The following SLC41A3 variants were observed in gnomAD, a reference collection of about 807,000 sequenced individuals.
The protein encoded by SLC41A3 is solute carrier family 41 member 3, also known as SLC41A1-like 2.
A neutral mutation model predicts 45.4 loss-of-function variants in SLC41A3; 44 were observed. The observed-to-expected ratio is 0.97, with a 90% CI of 0.76 to 1.25. SLC41A3 has a LOEUF of 1.25. Ranked by LOEUF, SLC41A3 falls within the 50% of genes most tolerant of loss-of-function variation. The probability of loss-of-function intolerance (pLI) is 0.00; values close to 1 mark genes in which losing one functional copy is unlikely to be tolerated. For synonymous variants in SLC41A3, 256 were observed against 252.4 expected, an observed-to-expected ratio of 1.01 and a Z score of -0.13; for missense variants, 550 against 600.6, an observed-to-expected ratio of 0.92 and a Z score of 0.88.
intron 3 of SLC41A3, among the ~76,000 whole-genome samples, chr3:126,049,762 AT>A (rs1943202339): frequency 6.6e-6 from 1 of 152,132 alleles, no homozygotes; most frequent in Admixed American, 6.5e-5. Context: ...AACAAAAGAA[AT>A]CTATCCTCTT....
In SLC41A3 at chr3:126,048,389, G is replaced by C. The variant is rs1458874809; in HGVS notation, c.381+2554C>G. On this transcript the variant is annotated intron_variant, in intron 3 of 10. Coordinates refer to ENST00000360370, the MANE Select transcript of SLC41A3 (RefSeq NM_017836.4). ...TATACCTTATAAACGACTATTTCCA[G>C]TGTGTACGGGAGTATATAGAGACAT... 3.3e-5 allele frequency among the ~76,000 whole-genome samples: 5 copies of C among 152,178 alleles called. No homozygotes were observed. The East Asian group carries it at 9.6e-4, about 29-fold the overall frequency.
intron 2 of SLC41A3, among the ~76,000 whole-genome samples, chr3:126,051,839 G>A (rs1420219574): frequency 6.6e-6 from 1 of 152,058 alleles, no homozygotes; most frequent in East Asian, 1.9e-4. Context: ...TCTAGACCTG[G>A]AAACAAATCC....
chr3:126,092,831 G>A (rs984168333), intron 1 of SLC41A3: 1 of 152,244 alleles, frequency 6.6e-6, no homozygotes, highest in East Asian at 1.9e-4. Context: ...AAGAAGGAGA[G>A]TGTAACGAAG....
chr3:126,051,941 C>T (rs1216638077), intron 2 of SLC41A3, among the ~76,000 whole-genome samples: 4 of 152,136 alleles, frequency 2.6e-5, no homozygotes, highest in South Asian at 4.1e-4. Flanking sequence ...GCAAATCCAC[C>T]CAGCCCCTAG....
upstream of SLC41A3, among the ~76,000 whole-genome samples, chr3:126,085,978 C>G (rs1267704468): frequency 2.0e-5 from 3 of 152,100 alleles, 1 homozygote; most frequent in Non-Finnish European, 4.4e-5. Context: ...GAGAGAGAAA[C>G]TGAGACATGT....
chr3:126,053,523 T>C (rs1943473922), intron 2 of SLC41A3, among the ~76,000 whole-genome samples: 1 of 152,236 alleles, frequency 6.6e-6, no homozygotes, highest in Non-Finnish European at 1.5e-5. Flanking sequence ...TCTGGCACTG[T>C]CCTATCTCTA....
chr3:126,076,912 T>C (rs773046942), intron 1 of SLC41A3, among the ~76,000 whole-genome samples: 1 of 152,230 alleles, frequency 6.6e-6, no homozygotes, highest in Non-Finnish European at 1.5e-5. Context: ...GCCGAATCTA[T>C]TTTATTGCTG....
intron 3 of SLC41A3, among the ~76,000 whole-genome samples, chr3:126,047,117 C>T (rs1943018466): frequency 6.6e-6 from 1 of 152,140 alleles, no homozygotes; most frequent in East Asian, 1.9e-4. Context: ...AATCCCAGCA[C>T]TTTGGGAGGC....
chr3:126,096,418 G>A (rs113264836), intron 1 of SLC41A3, among the ~76,000 whole-genome samples: 157 of 152,140 alleles, frequency 1.0e-3, no homozygotes, highest in African/African-American at 3.6e-3. Context: ...CCATAAACTG[G>A]CCCCAAAACT....
chr3:126,066,141 A>C (rs901764505), intron 2 of SLC41A3, among the ~76,000 whole-genome samples: 1 of 152,222 alleles, frequency 6.6e-6, no homozygotes, highest in African/African-American at 2.4e-5. Context: ...TTGCCAGCAG[A>C]CTATTTTTCC....
intron 4 of SLC41A3, among the ~76,000 whole-genome samples, chr3:126,027,212 G>T (rs1941430846): frequency 6.6e-6 from 1 of 152,076 alleles, no homozygotes; most frequent in African/African-American, 2.4e-5. Context: ...GAGGTGATTG[G>T]ATCACAGGGG....
intron 6 of SLC41A3, among the ~76,000 whole-genome samples, chr3:126,021,807 A>G (rs1170254294): frequency 6.6e-6 from 1 of 152,248 alleles, no homozygotes; most frequent in Non-Finnish European, 1.5e-5. Flanking sequence ...CCCTGAATAT[A>G]CACTTCAATT....
At chr3:126,073,799 AT>A (rs1332873849) in intron 1 of SLC41A3, among the ~76,000 whole-genome samples, 6 of 152,204 alleles carry the variant, frequency 3.9e-5, no homozygotes, top group African/African-American at 1.2e-4. Context: ...TTAAAAAAAA[AT>A]AACACAAATC....
chr3:126,026,619 C>T lies in SLC41A3; in HGVS notation c.454-140G>A. The T allele has an allele frequency of 1.7e-6, 2 of 1,176,512 alleles. No homozygotes were observed. The highest frequency in any genetic ancestry group is 2.6e-5 in the East Asian group (1 of 38,846). 72.9% of individuals were successfully genotyped at this position (1,176,512 alleles called of 1,614,324 possible). On this transcript the variant is annotated intron_variant, in intron 4 of 10. Coordinates refer to ENST00000360370, the MANE Select transcript of SLC41A3 (RefSeq NM_017836.4). The surrounding 1 kb of genome is among the most constrained non-coding windows in gnomAD (Gnocchi z 4.2). ...TCCCTTACCCTAAAATCTCACAGGC[C>T]CTCACCCCAGGAAAAACTAATACCA...
intron 5 of SLC41A3, chr3:126,023,221 A>G (rs1941058918): frequency 3.1e-6 from 1 of 326,726 alleles, no homozygotes; most frequent in Admixed American, 4.4e-5. Flanking sequence ...CCGAGCTCCC[A>G]AATCACCAGG....
intron 1 of SLC41A3, among the ~76,000 whole-genome samples, chr3:126,077,901 A>T (rs1944954362): frequency 6.6e-6 from 1 of 152,204 alleles, no homozygotes; most frequent in African/African-American, 2.4e-5. Context: ...GGGACAGGGC[A>T]CAGGGAGGCA....
chr3:126,056,878 A>T, intron 2 of SLC41A3: 1 of 1,161,734 alleles, frequency 8.6e-7, no homozygotes, highest in Non-Finnish European at 1.1e-6. Flanking sequence ...CCAGTCTGCC[A>T]TGGAGGCTCA....
chr3:126,027,708 C>T (rs148003330), intron 4 of SLC41A3, among the ~76,000 whole-genome samples: 135 of 152,260 alleles, frequency 8.9e-4, no homozygotes, highest in Non-Finnish European at 1.7e-3. Flanking sequence ...TTTGGAACTT[C>T]CTCAAGACTT....
At chr3:126,030,673 G>A (rs1336284942) in intron 4 of SLC41A3, among the ~76,000 whole-genome samples, 1 of 152,158 alleles carries the variant, frequency 6.6e-6, no homozygotes, top group African/African-American at 2.4e-5. Context: ...GTGGGTGGAT[G>A]GACAAATAAA....
Sources: allele counts gnomAD v4.1 joint callset (sites outside exome capture counted in the v4.1 genomes callset), GRCh38; gene constraint gnomAD v4.1.1; non-coding constraint Gnocchi (gnomAD v3.1); transcripts MANE v1.5; gene names NCBI Gene and HGNC (gene_info 2026-07-23, HGNC 2026-07-21).